CNTNAP2: variants seen among roughly 807,000 people sequenced by gnomAD.
The protein encoded by CNTNAP2 is contactin associated protein 2, also known as contactin-associated protein-like 2.
CNTNAP2 carries 98 observed loss-of-function variants against 155.2 expected under a neutral mutation model. The observed-to-expected ratio is 0.63, with a 90% CI of 0.54 to 0.75. The LOEUF (loss-of-function observed/expected upper bound fraction) is 0.75. CNTNAP2 is among the 30% of genes least tolerant of loss of function. The pLI, the probability that CNTNAP2 is intolerant of heterozygous loss-of-function variation, is 0.00. For synonymous variants in CNTNAP2, 651 were observed against 631.2 expected (o/e 1.03, Z -0.47); for missense variants, 1,727 against 1,688.1 (o/e 1.02, Z -0.40).
chr7:146,196,437 T>G (rs6960982), intron 1 of CNTNAP2, among the ~76,000 whole-genome samples: 48,819 of 151,870 alleles, frequency 0.32, 9,562 homozygotes, highest in African/African-American at 0.55. Flanking sequence ...CATGGGAGTT[T>G]TGAGTGGAGG....
chr7:147,327,573 A>G (rs1335840220), intron 9 of CNTNAP2, among the ~76,000 whole-genome samples: 2 of 152,254 alleles, frequency 1.3e-5, no homozygotes, highest in African/African-American at 4.8e-5. Flanking sequence ...GCTACATTTT[A>G]GAAACCTCTA....
At chr7:147,743,409 A>T in intron 13 of CNTNAP2, among the ~76,000 whole-genome samples, 1 of 152,170 alleles carries the variant, frequency 6.6e-6, no homozygotes, top group East Asian at 1.9e-4. Context: ...GAAGGCAGGG[A>T]TTAGGTGAGG....
intron 13 of CNTNAP2, among the ~76,000 whole-genome samples, chr7:147,719,032 G>A (rs904994019): frequency 1.3e-5 from 2 of 152,100 alleles, no homozygotes; most frequent in Non-Finnish European, 2.9e-5. Context: ...GGAATAATGG[G>A]CATAAAGAGA....
At chr7:146,317,919 A>G (rs1800936578) in intron 1 of CNTNAP2, among the ~76,000 whole-genome samples, 1 of 152,200 alleles carries the variant, frequency 6.6e-6, no homozygotes, top group Admixed American at 6.5e-5. Flanking sequence ...AGGAGGGCGG[A>G]TCACGAGGTC....
intron 1 of CNTNAP2, among the ~76,000 whole-genome samples, chr7:146,667,173 G>A (rs1336924230): frequency 6.6e-6 from 1 of 152,042 alleles, no homozygotes; most frequent in Admixed American, 6.6e-5. Context: ...GTGGTGAGAG[G>A]TGGGGGATTA....
At chr7:148,067,673 A>G (rs1803294048) in intron 15 of CNTNAP2, among the ~76,000 whole-genome samples, 1 of 152,212 alleles carries the variant, frequency 6.6e-6, no homozygotes, top group African/African-American at 2.4e-5. Flanking sequence ...CTGAATAGGT[A>G]TTTGGGCTTC....
chr7:147,983,017 C>T (rs1285283693), intron 15 of CNTNAP2, among the ~76,000 whole-genome samples: 1 of 80,878 alleles, frequency 1.2e-5, no homozygotes, highest in Non-Finnish European at 2.4e-5. Flanking sequence ...GACTCCACCT[C>T]AAAAAAAAAA....
At chr7:148,078,452 T>A (rs1036246934) in intron 15 of CNTNAP2, among the ~76,000 whole-genome samples, 1 of 152,128 alleles carries the variant, frequency 6.6e-6, no homozygotes, top group Non-Finnish European at 1.5e-5. Flanking sequence ...TAAATACTTA[T>A]TTTTAACATT....
At chr7:146,333,023 A>C (rs936967107) in intron 1 of CNTNAP2, among the ~76,000 whole-genome samples, 2 of 141,472 alleles carry the variant, frequency 1.4e-5, no homozygotes, top group African/African-American at 2.6e-5. Context: ...GGCTTACTGC[A>C]ATCTCCGCCT....
At chr7:147,809,578 T>C (rs1798148468) in intron 13 of CNTNAP2, among the ~76,000 whole-genome samples, 1 of 152,208 alleles carries the variant, frequency 6.6e-6, no homozygotes, top group Admixed American at 6.5e-5. Flanking sequence ...GGATGTAAAA[T>C]ACAATCTGCT....
At chr7:147,957,333 T>C (rs2249958) in intron 14 of CNTNAP2, among the ~76,000 whole-genome samples, 122,833 of 152,078 alleles carry the variant, frequency 0.81, 50,653 homozygotes, top group South Asian at 0.92. Context: ...TCTAAACTAA[T>C]GAAGAAAAGG....
intron 21 of CNTNAP2, among the ~76,000 whole-genome samples, chr7:148,355,671 A>C (rs1798501635): frequency 6.6e-6 from 1 of 152,206 alleles, no homozygotes; most frequent in Non-Finnish European, 1.5e-5. Context: ...ACACGTGTGA[A>C]TCCATCTCTT....
At chr7:147,116,516 C>T (rs1035620473) in intron 5 of CNTNAP2, among the ~76,000 whole-genome samples, 1 of 152,170 alleles carries the variant, frequency 6.6e-6, no homozygotes, top group Non-Finnish European at 1.5e-5. Context: ...GAGGCCCCAG[C>T]TGGGACAACC....
intron 1 of CNTNAP2, among the ~76,000 whole-genome samples, chr7:146,167,538 A>G (rs902832871): frequency 5.9e-5 from 9 of 152,238 alleles, no homozygotes; most frequent in Non-Finnish European, 1.3e-4. Context: ...AAAGTTATTT[A>G]AGAATCTAAA....
intron 1 of CNTNAP2, among the ~76,000 whole-genome samples, chr7:146,154,141 A>G (rs531461056): frequency 3.2e-4 from 48 of 152,260 alleles, no homozygotes; most frequent in African/African-American, 1.1e-3. Flanking sequence ...TTCCTCAGAT[A>G]GCTTTGCTCT....
chr7:146,647,407 A>G lies in CNTNAP2; in HGVS notation c.98-126864A>G, dbSNP rs1021857577. On this transcript the variant is annotated intron_variant, in intron 1 of 23. Transcript: ENST00000361727. Reference sequence around the variant, plus strand: ...AGAAAAGTTCAGTATCTTTATAAGAACCTTGTCTGAGGGATTATGTTAAAA... The same window carrying G: ...AGAAAAGTTCAGTATCTTTATAAGAGCCTTGTCTGAGGGATTATGTTAAAA... 2.6e-5 allele frequency among the ~76,000 whole-genome samples: 4 copies of G among 152,224 alleles called. No homozygotes were observed. The South Asian group carries it at 8.3e-4, about 32-fold the overall frequency.
intron 1 of CNTNAP2, among the ~76,000 whole-genome samples, chr7:146,758,630 C>T (rs59338316): frequency 0.033 from 4,986 of 152,244 alleles, 281 homozygotes; most frequent in African/African-American, 0.11. Flanking sequence ...CAGGGAAACT[C>T]TCCTTTCTAA....
At chr7:146,742,214 CTAAA>C (rs943228666) in intron 1 of CNTNAP2, among the ~76,000 whole-genome samples, 8 of 152,102 alleles carry the variant, frequency 5.3e-5, no homozygotes, top group African/African-American at 1.4e-4. Flanking sequence ...TCTTCATAAA[CTAAA>C]TAAATAACAT....
Position 148,157,334 on chromosome 7 carries a change from T to C in CNTNAP2, c.2773+9625T>C, listed in dbSNP as rs1805417741. On this transcript the variant is annotated intron_variant, in intron 17 of 23. Transcript: ENST00000361727. ...GGTCCAATAACAACTGGTCAATGGT[T>C]ACCCAATAAATATTTGCTGAGCAAA... 2.0e-5 allele frequency among the ~76,000 whole-genome samples: 3 copies of C among 152,200 alleles called. No homozygotes were observed. In the South Asian group the frequency reaches 6.2e-4, roughly 31 times the overall value.
Sources: allele counts gnomAD v4.1 joint callset (sites outside exome capture counted in the v4.1 genomes callset), GRCh38; gene constraint gnomAD v4.1.1; transcripts MANE v1.5; gene names NCBI Gene and HGNC (gene_info 2026-07-23, HGNC 2026-07-21).